NLGN4X: variants seen among roughly 807,000 people sequenced by gnomAD.
The protein encoded by NLGN4X is neuroligin-4, X-linked.
NLGN4X carries 3 observed loss-of-function variants against 40.3 expected under a neutral mutation model. The ratio of observed to expected loss-of-function variants is 0.07; its 90% confidence interval spans 0.03 to 0.19. The LOEUF is 0.19. Ranked by LOEUF, NLGN4X falls within the 10% of genes least tolerant of loss-of-function variation. NLGN4X has a pLI of 1.00. For missense variants in NLGN4X, 382 were observed against 708.3 expected, an observed-to-expected ratio of 0.54 and a Z score of 5.23; for synonymous variants, 270 against 306.8, an observed-to-expected ratio of 0.88 and a Z score of 1.25.
chrX:5,991,349 T>C (rs1434905987), intron 3 of NLGN4X: 7 of 466,118 alleles, frequency 1.5e-5, no homozygotes, highest in South Asian at 1.5e-4. Flanking sequence ...AATGAAAACA[T>C]AGCAGAAACC....
At chrX:6,213,079 G>A (rs926041171) in intron 1 of NLGN4X, among the ~76,000 whole-genome samples, 3 of 109,312 alleles carry the variant, frequency 2.7e-5, no homozygotes, top group Non-Finnish European at 5.7e-5. Flanking sequence ...CTAGACTTGG[G>A]CAGGGAGGGG....
At chrX:6,120,868 G>C (rs1338488148) in intron 2 of NLGN4X, among the ~76,000 whole-genome samples, 1 of 111,574 alleles carries the variant, frequency 9.0e-6, no homozygotes, top group Non-Finnish European at 1.9e-5. Context: ...AAAATCCACA[G>C]GTGTTTGATT....
chrX:5,978,316 CTTTCT>C (rs2035265546), intron 3 of NLGN4X, among the ~76,000 whole-genome samples: 6 of 92,728 alleles, frequency 6.5e-5, no homozygotes, highest in Admixed American at 2.4e-4. Flanking sequence ...TTCTTTCTTT[CTTTCT>C]TTCTTTCTTT....
intron 3 of NLGN4X, among the ~76,000 whole-genome samples, chrX:5,946,302 A>T (rs1168093070): frequency 1.8e-5 from 2 of 111,858 alleles, no homozygotes; most frequent in Non-Finnish European, 3.8e-5. Flanking sequence ...ATACTTGAGG[A>T]CGGAAAACAA....
At chrX:6,114,537 C>T (rs934432948) in intron 2 of NLGN4X, among the ~76,000 whole-genome samples, 1 of 109,308 alleles carries the variant, frequency 9.1e-6, no homozygotes, top group Non-Finnish European at 1.9e-5. Flanking sequence ...CACACACACA[C>T]ACACACACAC....
chrX:5,959,469 G>C (rs6639547), intron 3 of NLGN4X, among the ~76,000 whole-genome samples: 56,580 of 110,819 alleles, frequency 0.51, 11,490 homozygotes, highest in East Asian at 0.84. Flanking sequence ...CATGAATGTA[G>C]TGCATTTCTG....
chrX:5,904,826 A>C (rs1378797035), intron 4 of NLGN4X, among the ~76,000 whole-genome samples: 1 of 112,098 alleles, frequency 8.9e-6, no homozygotes, highest in Admixed American at 9.5e-5. Flanking sequence ...TTGTGAGTCC[A>C]GAAGTTCATG....
rs773291572 is a variant in NLGN4X at position 5,948,561 on chromosome X, G to A, written c.626-39322C>T. 9.8e-5 allele frequency among the ~76,000 whole-genome samples: 11 copies of A among 111,854 alleles called. No individual in the cohort carries two copies. The East Asian group carries it at 3.1e-3, about 32-fold the overall frequency. On this transcript the variant is annotated intron_variant, in intron 3 of 5. Transcript: ENST00000381095. Reference sequence around the variant, plus strand: ...CTTCTCGTCCTGTAAGGCTGTGAGTGAGTCATTCAAAGAGTTCTCTTTGTC... The same window carrying A: ...CTTCTCGTCCTGTAAGGCTGTGAGTAAGTCATTCAAAGAGTTCTCTTTGTC...
intron 3 of NLGN4X, among the ~76,000 whole-genome samples, chrX:5,930,360 G>T (rs1315001668): frequency 1.8e-5 from 2 of 111,873 alleles, no homozygotes; most frequent in Non-Finnish European, 3.8e-5. Context: ...CCTTATACCA[G>T]CAGGGACCCT....
intron 2 of NLGN4X, among the ~76,000 whole-genome samples, chrX:6,034,719 T>TGG (rs1569198965): frequency 1.8e-5 from 2 of 109,273 alleles, no homozygotes; most frequent in Non-Finnish European, 3.8e-5. Context: ...TAGGTTTTTT[T>TGG]TTTTTTTTTT....
intron 2 of NLGN4X, among the ~76,000 whole-genome samples, chrX:6,081,337 G>T (rs762104796): frequency 1.8e-5 from 2 of 111,998 alleles, no homozygotes; most frequent in Admixed American, 9.4e-5. Flanking sequence ...GGCTGGTCAT[G>T]ATCTCCTGGT....
intron 2 of NLGN4X, among the ~76,000 whole-genome samples, chrX:6,136,259 A>ATTAG (rs1216767444): frequency 8.9e-6 from 1 of 112,515 alleles, no homozygotes; most frequent in Non-Finnish European, 1.9e-5. Flanking sequence ...ATTATGCCAC[A>ATTAG]TTAGTTATTG....
At chrX:5,992,017 T>C (rs988359717) in intron 3 of NLGN4X, among the ~76,000 whole-genome samples, 8 of 112,159 alleles carry the variant, frequency 7.1e-5, no homozygotes, top group African/African-American at 2.3e-4. Context: ...GTTAGTTTCA[T>C]GCTAAAAGTT....
At chrX:5,895,422 G>A (rs2031434748) in intron 5 of NLGN4X, among the ~76,000 whole-genome samples, 1 of 111,288 alleles carries the variant, frequency 9.0e-6, no homozygotes, top group Non-Finnish European at 1.9e-5. Context: ...GCAAGGGAGG[G>A]AGAAGTAGGG....
At chrX:6,185,132 T>G (rs948220229) in intron 1 of NLGN4X, among the ~76,000 whole-genome samples, 3 of 112,265 alleles carry the variant, frequency 2.7e-5, no homozygotes, top group African/African-American at 9.7e-5. Flanking sequence ...AGCATGACAT[T>G]TTCTTATTTA....
intron 4 of NLGN4X, among the ~76,000 whole-genome samples, chrX:5,905,899 T>G (rs762073641): frequency 5.3e-4 from 59 of 112,014 alleles, no homozygotes; most frequent in Non-Finnish European, 4.5e-4. Context: ...TCAAGCAATC[T>G]GCCCACCTTG....
At chrX:6,083,009 G>C in intron 2 of NLGN4X, among the ~76,000 whole-genome samples, 2 of 93,388 alleles carry the variant, frequency 2.1e-5, no homozygotes, top group Middle Eastern at 5.6e-3. Context: ...CCAGGCTGGA[G>C]TGCGGTGGCG....
intron 2 of NLGN4X, among the ~76,000 whole-genome samples, chrX:6,138,107 G>T (rs988978962): frequency 8.9e-6 from 1 of 111,931 alleles, no homozygotes; most frequent in Non-Finnish European, 1.9e-5. Flanking sequence ...TTTGTCATAG[G>T]AAGTGGAGGT....
At chrX:6,156,651 G>C (rs1602334613) in intron 1 of NLGN4X, among the ~76,000 whole-genome samples, 1 of 111,533 alleles carries the variant, frequency 9.0e-6, no homozygotes, top group Non-Finnish European at 1.9e-5. Context: ...TTAGAAGTGG[G>C]AGCTAAACAT....
Sources: gnomAD v4.1 joint callset for allele counts (sites outside exome capture counted in the v4.1 genomes callset) on GRCh38, gnomAD v4.1.1 for gene constraint, MANE v1.5 for transcripts, NCBI Gene and HGNC (gene_info 2026-07-23, HGNC 2026-07-21) for gene names.